Variants in GALNT6 observed in about 807,000 individuals in gnomAD.
GALNT6 encodes polypeptide N-acetylgalactosaminyltransferase 6.
GALNT6 carries 51 observed loss-of-function variants against 65.9 expected under a neutral mutation model. That is an observed-to-expected ratio of 0.77 (90% confidence interval 0.62 to 0.98). GALNT6 has a LOEUF of 0.98. Ranked by LOEUF, GALNT6 falls within the 50% of genes least tolerant of loss-of-function variation. GALNT6 has a pLI of 0.00. For missense variants in GALNT6, 708 were observed against 803.3 expected, an observed-to-expected ratio of 0.88 and a Z score of 1.43; for synonymous variants, 323 against 315.1, an observed-to-expected ratio of 1.02 and a Z score of -0.26.
At chr12:51,370,963 C>T (rs769968998) in intron 4 of GALNT6, among the ~76,000 whole-genome samples, 3 of 151,988 alleles carry the variant, frequency 2.0e-5, no homozygotes, top group Non-Finnish European at 2.9e-5. Context: ...CGTTTTATGT[C>T]GTGCCTTTTA....
At chr12:51,389,318 T>C (rs1194154639) in intron 2 of GALNT6, among the ~76,000 whole-genome samples, 1 of 152,216 alleles carries the variant, frequency 6.6e-6, no homozygotes, top group Non-Finnish European at 1.5e-5. Flanking sequence ...ATTTTAAATA[T>C]TACTGCTTAC....
intron 11 of GALNT6, among the ~76,000 whole-genome samples, chr12:51,355,284 A>G (rs926978515): frequency 4.6e-5 from 7 of 152,076 alleles, no homozygotes; most frequent in African/African-American, 1.7e-4. Context: ...AGAGCTAGCC[A>G]CGAACCATAA....
chr12:51,366,239 G>T (rs1398150476), intron 4 of GALNT6, among the ~76,000 whole-genome samples: 1 of 152,172 alleles, frequency 6.6e-6, no homozygotes, highest in African/African-American at 2.4e-5. Flanking sequence ...TTCTGACAGA[G>T]GCTCTCAGAT....
At chr12:51,362,716 C>T (rs1473656054) in intron 6 of GALNT6, among the ~76,000 whole-genome samples, 6 of 152,180 alleles carry the variant, frequency 3.9e-5, no homozygotes, top group Non-Finnish European at 5.9e-5. Context: ...GTGGAAAGTT[C>T]CAATTTCTTT....
In GALNT6 at chr12:51,360,790, A is replaced by T; in HGVS notation, c.1098T>A (p.Phe366Leu). ...GGLFSISKSY[F>L]EHIGTYDNQM... ...GATTATCATAGGTACCGATGTGCTCAAAGTAGGACTTGGAGATGGAGAAGA... is the reference window on the plus strand; with the variant it reads ...GATTATCATAGGTACCGATGTGCTCTAAGTAGGACTTGGAGATGGAGAAGA... Residue 366 changes from phenylalanine (F) to leucine (L), a missense_variant, in exon 7 of 12, where the codon TTT becomes TTA. Physicochemically the swap from Phe to Leu is conservative, Grantham distance 22 (BLOSUM62 0). Coordinates refer to ENST00000356317, the MANE Select transcript of GALNT6 (RefSeq NM_007210.4). 1 of 1,613,882 alleles carries T rather than the reference A, an allele frequency of 6.2e-7. No individual in the cohort carries two copies. Among genetic ancestry groups the T allele is most frequent in the South Asian group, 1.1e-5 (1 of 91,060 alleles).
At chr12:51,381,247 A>G (rs1490201935) in intron 2 of GALNT6, among the ~76,000 whole-genome samples, 1 of 152,210 alleles carries the variant, frequency 6.6e-6, no homozygotes, top group African/African-American at 2.4e-5. Flanking sequence ...TTAAAAATAA[A>G]TAAATAAAAG....
Position 51,377,096 on chromosome 12 carries a change from CT to C in GALNT6, c.664+98del, listed in dbSNP as rs1368914769. 14 of 989,426 alleles carry C rather than the reference CT, an allele frequency of 1.4e-5. No individual in the cohort carries two copies. The East Asian group carries it at 3.5e-4, about 25-fold the overall frequency. 61.3% of individuals were successfully genotyped at this position (989,426 alleles called of 1,614,324 possible). On this transcript the variant is annotated intron_variant, in intron 4 of 11. Transcript: ENST00000356317. ...ATGAGCTGTGATGTCAGGCAACAGG[CT>C]CATGAGGTGGTGCCTGCTCCCTTGA...
chr12:51,386,464 T>C (rs531290431), intron 2 of GALNT6, among the ~76,000 whole-genome samples: 5 of 152,362 alleles, frequency 3.3e-5, no homozygotes, highest in Admixed American at 2.0e-4. Context: ...CCTTAGCTTT[T>C]GTGAATGTCA....
intron 2 of GALNT6, among the ~76,000 whole-genome samples, chr12:51,384,724 A>G (rs923211448): frequency 1.3e-5 from 2 of 151,276 alleles, no homozygotes; most frequent in African/African-American, 4.9e-5. Context: ...CCAATTAGCA[A>G]AAAGAGACCA....
At chr12:51,365,852 C>A (rs1441657489) in intron 4 of GALNT6, among the ~76,000 whole-genome samples, 1 of 152,186 alleles carries the variant, frequency 6.6e-6, no homozygotes, top group Non-Finnish European at 1.5e-5. Flanking sequence ...TTCACCTGGG[C>A]ACCCTCTCTA....
Position 51,377,382 on chromosome 12 carries a change from G to C in GALNT6, c.492-15C>G, listed in dbSNP as rs751442543. The C allele has an allele frequency of 6.2e-7, 1 of 1,611,344 alleles. No individual in the cohort carries two copies. The highest frequency in any genetic ancestry group is 1.3e-5 in the African/African-American group (1 of 74,842). On this transcript the variant is annotated splice_polypyrimidine_tract_variant and intron_variant, in intron 3 of 11. Coordinates refer to ENST00000356317, the MANE Select transcript of GALNT6 (RefSeq NM_007210.4). ...GGTCCACACACCTGGAAGTATGAAAGTACGGACAAAGTTCTCCTGGTCCCT... is the reference window on the plus strand; with the variant it reads ...GGTCCACACACCTGGAAGTATGAAACTACGGACAAAGTTCTCCTGGTCCCT...
intron 4 of GALNT6, among the ~76,000 whole-genome samples, chr12:51,376,581 T>C (rs1237854964): frequency 1.4e-5 from 2 of 140,922 alleles, no homozygotes; most frequent in African/African-American, 2.7e-5. Context: ...TGTGGTGAGC[T>C]GAGATCACAC....
chr12:51,359,053 C>T, intron 8 of GALNT6, 79 bp downstream of exon 8: 1 of 1,142,790 alleles, frequency 8.8e-7, no homozygotes, highest in Non-Finnish European at 1.3e-6. Context: ...AGGTGGGTCC[C>T]AGCCATTAGG....
At chr12:51,367,940 G>T (rs1281946409) in intron 4 of GALNT6, among the ~76,000 whole-genome samples, 1 of 152,150 alleles carries the variant, frequency 6.6e-6, no homozygotes, top group Non-Finnish European at 1.5e-5. Context: ...GAAGCACAAA[G>T]GGCAGCAGCA....
chr12:51,364,905 G>A lies in GALNT6; in HGVS notation c.814+525C>T, dbSNP rs547627588. ...TTTTATAAATGAGGAAACTGAGGCT[G>A]TTAGTGGGGCAGGGTCAGAATGCAA... On this transcript the variant is annotated intron_variant, in intron 5 of 11. Transcript: ENST00000356317. Among the ~76,000 whole-genome samples, 614 of 152,348 alleles carry A rather than the reference G, an allele frequency of 4.0e-3. 8 individuals carry two copies. Among genetic ancestry groups the A allele is most frequent in the African/African-American group, 0.014 (573 of 41,578 alleles).
chr12:51,360,682 G>T, intron 7 of GALNT6, 39 bp downstream of exon 7: 1 of 1,159,194 alleles, frequency 8.6e-7, no homozygotes, highest in Non-Finnish European at 1.3e-6. Context: ...CTGTCGCCTG[G>T]GATGTTGTGG....
At chr12:51,374,622 C>T (rs1947394145) in intron 4 of GALNT6, among the ~76,000 whole-genome samples, 1 of 152,170 alleles carries the variant, frequency 6.6e-6, no homozygotes, top group African/African-American at 2.4e-5. Context: ...AGTTCCTGCC[C>T]TCACTATTGG....
At chr12:51,355,783 G>A in intron 11 of GALNT6, 23 bp downstream of exon 11, 6 of 1,609,018 alleles carry the variant, frequency 3.7e-6, no homozygotes, top group Non-Finnish European at 5.1e-6. Flanking sequence ...TCTTGATTCT[G>A]AGCTTTCTGG....
intron 4 of GALNT6, among the ~76,000 whole-genome samples, chr12:51,376,621 G>A (rs1191515383): frequency 1.7e-5 from 2 of 115,558 alleles, no homozygotes; most frequent in Non-Finnish European, 3.4e-5. Context: ...CAACAAGAGC[G>A]AAACTCCATC....
Sources: allele counts gnomAD v4.1 joint callset (sites outside exome capture counted in the v4.1 genomes callset), GRCh38; gene constraint gnomAD v4.1.1; transcripts MANE v1.5; gene names NCBI Gene and HGNC (gene_info 2026-07-23, HGNC 2026-07-21).